The following SASH1 variants were observed in gnomAD, a reference collection of about 807,000 sequenced individuals.
SASH1 encodes SAM and SH3 domain containing 1, also known as SAM and SH3 domain-containing protein 1.
SASH1 carries 44 observed loss-of-function variants against 125.2 expected under a neutral mutation model. The observed-to-expected ratio is 0.35, with a 90% confidence interval of 0.28 to 0.45. The LOEUF (loss-of-function observed/expected upper bound fraction) is 0.45, where lower values mean the gene tolerates loss of function less well. SASH1 is among the 20% of genes least tolerant of loss of function. The pLI is 1.00. For missense variants in SASH1, 1,426 were observed against 1,614.5 expected, an observed-to-expected ratio of 0.88 and a Z score of 2.00; for synonymous variants, 639 against 649.1, an observed-to-expected ratio of 0.98 and a Z score of 0.24.
At chr6:148,393,339 C>T (rs538993868) in intron 2 of SASH1, among the ~76,000 whole-genome samples, 23 of 151,876 alleles carry the variant, frequency 1.5e-4, no homozygotes, top group Non-Finnish European at 2.2e-4. Context: ...GGATTACAGG[C>T]GTAAGCCACC....
rs140316955 is a variant in SASH1, at chr6:148,544,554, C to A, written c.3084C>A (p.Ser1028Arg). Residue 1028 changes from serine (S) to arginine (R), a missense_variant, in exon 18 of 20, where the codon AGC becomes AGA. By Grantham distance (110) the Ser-to-Arg change is moderately radical (BLOSUM62 -1). Coordinates refer to ENST00000367467, the MANE Select transcript of SASH1 (RefSeq NM_015278.5). The surrounding 1 kb of genome is among the most constrained non-coding windows in gnomAD (Gnocchi z 6.4). ...CLPVKRGSPA[S>R]PTSPSDCPPA... ...CAGTGAAAAGGGGCAGCCCCGCCAG[C>A]CCCACCAGCCCTAGCGACTGTCCCC... 9,007 of 1,613,180 alleles carry A rather than the reference C, an allele frequency of 5.6e-3. 44 individuals carry two copies. Among genetic ancestry groups the A allele is most frequent in the Non-Finnish European group, 6.1e-3 (7,158 of 1,179,928 alleles).
intron 1 of SASH1, chr6:148,272,418 G>C (rs973938161): frequency 2.1e-6 from 1 of 469,102 alleles, no homozygotes; most frequent in African/African-American, 2.0e-5. Context: ...GACTGTTTTT[G>C]GTGCCTTCTG....
chr6:148,471,586 T>C (rs1008938995), intron 6 of SASH1, 83 bp downstream of exon 6: 84 of 835,370 alleles, frequency 1.0e-4, no homozygotes, highest in Non-Finnish European at 1.3e-4. Flanking sequence ...CAGTGGATGC[T>C]ATAAGTTAGC....
At chr6:148,494,143 C>T (rs1407747408) in intron 8 of SASH1, among the ~76,000 whole-genome samples, 2 of 152,012 alleles carry the variant, frequency 1.3e-5, no homozygotes, top group East Asian at 3.9e-4. Flanking sequence ...TGATCTATAC[C>T]TGGTACTTGA....
At chr6:148,418,913 GT>G (rs1274332057) in intron 2 of SASH1, among the ~76,000 whole-genome samples, 1 of 152,168 alleles carries the variant, frequency 6.6e-6, no homozygotes, top group Non-Finnish European at 1.5e-5. Context: ...GCCCTCTGCA[GT>G]TTCCATGCAG....
chr6:148,418,511 A>G (rs1456761332), intron 2 of SASH1, among the ~76,000 whole-genome samples: 2 of 152,234 alleles, frequency 1.3e-5, no homozygotes, highest in Non-Finnish European at 2.9e-5. Context: ...AGTAACCAGC[A>G]ACTAAAAACA....
chr6:148,285,995 T>A (rs561103408), intron 1 of SASH1, among the ~76,000 whole-genome samples: 3 of 152,300 alleles, frequency 2.0e-5, no homozygotes, highest in East Asian at 3.9e-4. Flanking sequence ...AGTCAATGGA[T>A]GTTAACTTTC....
chr6:148,546,146 G>A lies in SASH1; in HGVS notation c.3480G>A (p.Ala1160=), dbSNP rs199980930. ...VKQLRKQHRM[A]IPSGGLTEIC... ...AGCTTCGGAAGCAGCACCGCATGGC[G>A]GTGAGCAGCCCACAGTTCTCCAGCT... The change falls in exon 19 of 20, where the codon GCG becomes GCA. Residue 1160 remains alanine, a splice_region_variant and synonymous_variant. Transcript: ENST00000367467. 44 of 1,613,636 alleles carry A rather than the reference G, an allele frequency of 2.7e-5. No homozygotes were observed. In the East Asian group the frequency reaches 5.3e-4, roughly 20 times the overall value.
chr6:148,333,247 T>C (rs545276821), intron 1 of SASH1, among the ~76,000 whole-genome samples: 1 of 151,496 alleles, frequency 6.6e-6, no homozygotes, highest in South Asian at 2.1e-4. Context: ...CAAAAAATAA[T>C]AATAATAATA....
intron 1 of SASH1, among the ~76,000 whole-genome samples, chr6:148,308,957 G>A (rs565057527): frequency 2.6e-5 from 4 of 151,336 alleles, no homozygotes; most frequent in African/African-American, 4.8e-5. Flanking sequence ...GGTGGCACAC[G>A]CCTGTAGTCC....
intron 1 of SASH1, among the ~76,000 whole-genome samples, chr6:148,324,704 C>T (rs1780750056): frequency 6.6e-6 from 1 of 152,198 alleles, no homozygotes; most frequent in Non-Finnish European, 1.5e-5. Flanking sequence ...AAGAAATAGA[C>T]TCTGGGCTGA....
intron 1 of SASH1, among the ~76,000 whole-genome samples, chr6:148,274,785 G>A (rs967600473): frequency 6.6e-6 from 1 of 152,144 alleles, no homozygotes; most frequent in African/African-American, 2.4e-5. Context: ...AATAAAATCA[G>A]TGTGGCAGAG....
At chr6:148,355,066 C>T (rs1781878168) in intron 1 of SASH1, among the ~76,000 whole-genome samples, 2 of 152,154 alleles carry the variant, frequency 1.3e-5, no homozygotes, top group African/African-American at 4.8e-5. Context: ...GCCAAACTTG[C>T]CACTTACATA....
chr6:148,352,188 T>C (rs529770778), intron 1 of SASH1, among the ~76,000 whole-genome samples: 39 of 152,340 alleles, frequency 2.6e-4, no homozygotes, highest in African/African-American at 9.4e-4. Flanking sequence ...CTTTAACCCT[T>C]ACCGGACATG....
At chr6:148,359,220 G>T (rs572985322) in intron 1 of SASH1, among the ~76,000 whole-genome samples, 1 of 151,600 alleles carries the variant, frequency 6.6e-6, no homozygotes, top group African/African-American at 2.4e-5. Context: ...GTGCAGCTGC[G>T]CCATCTCAGC....
At chr6:148,290,058 G>A (rs964294907) in intron 1 of SASH1, among the ~76,000 whole-genome samples, 59 of 151,082 alleles carry the variant, frequency 3.9e-4, no homozygotes, top group Non-Finnish European at 6.3e-4. Context: ...AGTAGAGAAG[G>A]GGTTTCACTA....
Position 148,469,750 on chromosome 6 carries a change from G to A in SASH1, c.427+1165G>A, listed in dbSNP as rs7743851. Among the ~76,000 whole-genome samples the A allele has an allele frequency of 4.1e-3, 620 of 151,762 alleles. 6 individuals are homozygous for A. The highest frequency in any genetic ancestry group is 0.014 in the African/African-American group (592 of 41,368). On this transcript the variant is annotated intron_variant, in intron 5 of 19. Transcript: ENST00000367467. ...CTCTTAAAAAGAAAATAAATAGGCC[G>A]GACGTGGTGGCTCACATCTGTAATC...
chr6:148,443,073 C>T (rs1042595662), intron 4 of SASH1, among the ~76,000 whole-genome samples: 5 of 149,906 alleles, frequency 3.3e-5, no homozygotes, highest in Non-Finnish European at 7.4e-5. Flanking sequence ...ACCGTGCCAG[C>T]TGTATTTGTT....
At chr6:148,202,180 G>A in the SASH1 span, among the ~76,000 whole-genome samples, 1 of 152,100 alleles carries the variant, frequency 6.6e-6, no homozygotes, top group Non-Finnish European at 1.5e-5. Flanking sequence ...AAGTCAGGAT[G>A]CTAGGTGAAT....
Sources: gnomAD v4.1 joint callset for allele counts (sites outside exome capture counted in the v4.1 genomes callset) on GRCh38, gnomAD v4.1.1 for gene constraint, Gnocchi (gnomAD v3.1) non-coding constraint, MANE v1.5 for transcripts, NCBI Gene and HGNC (gene_info 2026-07-23, HGNC 2026-07-21) for gene names.